Variants in WDSUB1 observed in about 807,000 individuals in gnomAD.
WDSUB1 encodes the protein WD repeat, sterile alpha motif and U-box domain containing 1, also known as WD repeat, SAM and U-box domain-containing protein 1.
A neutral mutation model predicts 53.9 loss-of-function variants in WDSUB1; 49 were observed. The observed-to-expected ratio is 0.91, with a 90% CI of 0.72 to 1.15. The LOEUF is 1.15. Among genes scored for constraint, WDSUB1 ranks in the 50% most tolerant of loss-of-function variants. The probability of loss-of-function intolerance (pLI) is 0.00; values close to 1 mark genes in which losing one functional copy is unlikely to be tolerated. For synonymous variants in WDSUB1, 194 were observed against 200.6 expected, an observed-to-expected ratio of 0.97 and a Z score of 0.28; for missense variants, 514 against 562.0, an observed-to-expected ratio of 0.91 and a Z score of 0.86.
intron 9 of WDSUB1, among the ~76,000 whole-genome samples, chr2:159,250,716 A>C (rs1401397415): frequency 2.6e-5 from 4 of 152,224 alleles, no homozygotes; most frequent in Non-Finnish European, 5.9e-5. Context: ...AAGCTAAGTA[A>C]GGTGGAAAAT....
chr2:159,264,165 A>G (rs1441207203), intron 5 of WDSUB1, among the ~76,000 whole-genome samples: 1 of 151,808 alleles, frequency 6.6e-6, no homozygotes, highest in African/African-American at 2.4e-5. Flanking sequence ...TGATGATTTC[A>G]GCCTAAAAAC....
intron 10 of WDSUB1, among the ~76,000 whole-genome samples, chr2:159,247,724 A>G (rs1458294645): frequency 6.6e-6 from 1 of 151,064 alleles, no homozygotes; most frequent in Non-Finnish European, 1.5e-5. Context: ...CAGTGTAAAG[A>G]TTTGCAAGCA....
chr2:159,258,394 C>G (rs1477313277), intron 6 of WDSUB1, among the ~76,000 whole-genome samples: 1 of 152,242 alleles, frequency 6.6e-6, no homozygotes, highest in Admixed American at 6.5e-5. Flanking sequence ...TGCAGTGGCT[C>G]ACACCTATAA....
intron 5 of WDSUB1, among the ~76,000 whole-genome samples, chr2:159,267,534 G>C (rs1197271732): frequency 6.6e-6 from 1 of 151,906 alleles, no homozygotes; most frequent in African/African-American, 2.4e-5. Flanking sequence ...CAAACTCCTG[G>C]CCTCAAGTGA....
At chr2:159,270,225 A>G (rs1291145453) in intron 5 of WDSUB1, among the ~76,000 whole-genome samples, 3 of 152,230 alleles carry the variant, frequency 2.0e-5, no homozygotes, top group African/African-American at 7.2e-5. Flanking sequence ...ACAGAAGACA[A>G]TTATTGAAAT....
At chr2:159,247,003 A>C (rs1203814399) in intron 10 of WDSUB1, among the ~76,000 whole-genome samples, 2 of 152,200 alleles carry the variant, frequency 1.3e-5, no homozygotes, top group Non-Finnish European at 2.9e-5. Context: ...CATCAGAGTG[A>C]ATATTCAGAA....
At chr2:159,257,387 CTT>C (rs11324351) in intron 8 of WDSUB1, among the ~76,000 whole-genome samples, 204 of 139,696 alleles carry the variant, frequency 1.5e-3, no homozygotes, top group Non-Finnish European at 2.4e-3. Context: ...GATTTACTAA[CTT>C]TTTTTTTTTT....
intron 9 of WDSUB1, among the ~76,000 whole-genome samples, chr2:159,250,709 CTAAG>C (rs1436652497): frequency 6.6e-6 from 1 of 151,992 alleles, no homozygotes; most frequent in Non-Finnish European, 1.5e-5. Context: ...GTATTCTAAG[CTAAG>C]TAAGGTGGAA....
chr2:159,255,415 C>T (rs1015199538), intron 9 of WDSUB1, among the ~76,000 whole-genome samples: 4 of 151,672 alleles, frequency 2.6e-5, no homozygotes, highest in East Asian at 1.9e-4. Flanking sequence ...TGCAGTGAAC[C>T]GAGATCGCGC....
chr2:159,258,878 T>C (rs2061127277), intron 6 of WDSUB1, among the ~76,000 whole-genome samples: 1 of 152,206 alleles, frequency 6.6e-6, no homozygotes, highest in Non-Finnish European at 1.5e-5. Context: ...GAACACTCAG[T>C]GACTCGAACT....
At chr2:159,238,979 ATTTC>A (rs1293407145) in intron 10 of WDSUB1, among the ~76,000 whole-genome samples, 2 of 151,652 alleles carry the variant, frequency 1.3e-5, no homozygotes, top group Non-Finnish European at 2.9e-5. Context: ...AGTTTTACCT[ATTTC>A]TTAAGTTTGG....
chr2:159,257,889 G>T, intron 7 of WDSUB1, 25 bp from the exon 8 acceptor site: 1 of 1,610,822 alleles, frequency 6.2e-7, no homozygotes, highest in Non-Finnish European at 8.5e-7. Context: ...CAACTATTAT[G>T]TATCTTCTGA....
intron 10 of WDSUB1, 94 bp downstream of exon 10, chr2:159,248,278 T>C (rs984830532): frequency 2.8e-6 from 4 of 1,452,492 alleles, no homozygotes; most frequent in Admixed American, 2.3e-5. Flanking sequence ...TACTTAAAAT[T>C]CTTCACATTT....
At chr2:159,240,559 TCTTTTG>T (rs2060617411) in intron 10 of WDSUB1, among the ~76,000 whole-genome samples, 1 of 152,192 alleles carries the variant, frequency 6.6e-6, no homozygotes, top group East Asian at 1.9e-4. Context: ...ACACTGACCG[TCTTTTG>T]AAGTGCTTAT....
intron 5 of WDSUB1, among the ~76,000 whole-genome samples, chr2:159,271,182 C>T (rs1558868444): frequency 7.9e-5 from 12 of 152,206 alleles, no homozygotes; most frequent in Admixed American, 7.9e-4. Flanking sequence ...TATTCTATGA[C>T]TCAGCAAGGC....
intron 1 of WDSUB1, among the ~76,000 whole-genome samples, chr2:159,283,853 C>T (rs923613091): frequency 5.3e-5 from 8 of 152,138 alleles, no homozygotes; most frequent in African/African-American, 1.9e-4. Flanking sequence ...CTCCCTCTGT[C>T]ATCCAAGCTT....
At chr2:159,272,258 G>A (rs944354838) in intron 4 of WDSUB1, among the ~76,000 whole-genome samples, 15 of 152,188 alleles carry the variant, frequency 9.9e-5, no homozygotes, top group African/African-American at 1.9e-4. Context: ...AAGTGCATTC[G>A]GTTACGGATT....
intron 3 of WDSUB1, among the ~76,000 whole-genome samples, chr2:159,277,818 A>G (rs2061574608): frequency 1.3e-5 from 2 of 152,222 alleles, no homozygotes; most frequent in South Asian, 4.1e-4. Flanking sequence ...GAATTTACTC[A>G]TAAGGTTAAG....
intron 9 of WDSUB1, among the ~76,000 whole-genome samples, chr2:159,252,792 T>C (rs1446662767): frequency 6.6e-6 from 1 of 152,232 alleles, no homozygotes; most frequent in Non-Finnish European, 1.5e-5. Context: ...CTAGTTTTAA[T>C]TTTAAATTAG....
Sources: gnomAD v4.1 joint callset for allele counts (sites outside exome capture counted in the v4.1 genomes callset) on GRCh38, gnomAD v4.1.1 for gene constraint, MANE v1.5 for transcripts, NCBI Gene and HGNC (gene_info 2026-07-23, HGNC 2026-07-21) for gene names.